CORO2B: variants seen among roughly 807,000 people sequenced by gnomAD.
The protein encoded by CORO2B is coronin-2B.
In CORO2B, 26 loss-of-function variants were observed where a neutral mutation model predicts 58.8. That is an observed-to-expected ratio of 0.44 (90% CI 0.32 to 0.61). CORO2B has a LOEUF of 0.61. Among genes scored for constraint, CORO2B ranks in the 20% least tolerant of loss-of-function variants. The probability of loss-of-function intolerance (pLI) is 0.04; values close to 1 mark genes in which losing one functional copy is unlikely to be tolerated. For synonymous variants in CORO2B, 242 were observed against 253.8 expected, an observed-to-expected ratio of 0.95 and a Z score of 0.44; for missense variants, 460 against 645.1, an observed-to-expected ratio of 0.71 and a Z score of 3.11.
chr15:68,686,760 A>G (rs147383865), intron 2 of CORO2B, among the ~76,000 whole-genome samples: 5,949 of 152,100 alleles, frequency 0.039, 375 homozygotes, highest in African/African-American at 0.13. Flanking sequence ...TTAGCTGGGC[A>G]TAGTGGCACA....
At chr15:68,572,773 G>A in the CORO2B span, among the ~76,000 whole-genome samples, 1 of 152,180 alleles carries the variant, frequency 6.6e-6, no homozygotes, top group African/African-American at 2.4e-5. Flanking sequence ...GAAGGATCTG[G>A]AAAATCTGGT....
chr15:68,595,024 G>A (rs924319820), intron 1 of CORO2B, among the ~76,000 whole-genome samples: 16 of 152,218 alleles, frequency 1.1e-4, no homozygotes, highest in Non-Finnish European at 1.6e-4. Flanking sequence ...CTAGCTATCA[G>A]TCCAGTTCTG....
At chr15:68,526,887 G>A in the CORO2B span, among the ~76,000 whole-genome samples, 2 of 152,198 alleles carry the variant, frequency 1.3e-5, no homozygotes, top group Admixed American at 6.5e-5. Flanking sequence ...CTAACCTCCA[G>A]TGTGACTGTG....
chr15:68,561,197 G>T, the CORO2B span, among the ~76,000 whole-genome samples: 1 of 152,186 alleles, frequency 6.6e-6, no homozygotes, highest in African/African-American at 2.4e-5. Flanking sequence ...GTGCTCGGGA[G>T]ATAAGGGGGA....
intron 1 of CORO2B, among the ~76,000 whole-genome samples, chr15:68,613,361 T>C (rs1388569968): frequency 6.6e-6 from 1 of 152,220 alleles, no homozygotes; most frequent in Non-Finnish European, 1.5e-5. Context: ...CGTGTGATGG[T>C]AGAAGCGGCA....
intron 2 of CORO2B, among the ~76,000 whole-genome samples, chr15:68,659,137 A>G (rs1901928111): frequency 6.6e-6 from 1 of 152,224 alleles, no homozygotes; most frequent in Non-Finnish European, 1.5e-5. Context: ...CCTAGCTTCC[A>G]GTTACTCAGT....
chr15:68,678,762 C>T (rs775348775), intron 2 of CORO2B, among the ~76,000 whole-genome samples: 2 of 152,242 alleles, frequency 1.3e-5, no homozygotes, highest in South Asian at 4.1e-4. Flanking sequence ...AGAAGAGCTG[C>T]CCACACCATG....
intron 2 of CORO2B, among the ~76,000 whole-genome samples, chr15:68,664,923 T>C (rs1177281734): frequency 1.3e-5 from 2 of 152,204 alleles, no homozygotes; most frequent in African/African-American, 4.8e-5. Context: ...ATGAGCCTTT[T>C]GGAATATGAG....
chr15:68,617,332 C>T (rs768756020), intron 1 of CORO2B, among the ~76,000 whole-genome samples: 4 of 152,244 alleles, frequency 2.6e-5, no homozygotes, highest in Non-Finnish European at 5.9e-5. Context: ...CACCACTTTT[C>T]ACTCTTCTGT....
At chr15:68,649,057 C>T (rs1049652629) in intron 2 of CORO2B, among the ~76,000 whole-genome samples, 14 of 152,124 alleles carry the variant, frequency 9.2e-5, no homozygotes, top group South Asian at 8.3e-4. Flanking sequence ...CGTTTCTAAA[C>T]GCTTCCTCTC....
chr15:68,570,591 T>C, the CORO2B span, among the ~76,000 whole-genome samples: 21 of 152,140 alleles, frequency 1.4e-4, no homozygotes, highest in Admixed American at 1.2e-3. Context: ...GAACCCCAAA[T>C]ACGAAAGTTG....
chr15:68,531,841 T>G, the CORO2B span, among the ~76,000 whole-genome samples: 1 of 151,792 alleles, frequency 6.6e-6, no homozygotes, highest in African/African-American at 2.4e-5. Context: ...AGTGTAGGTC[T>G]ACCAGGATTG....
chr15:68,591,940 T>C lies in CORO2B; in HGVS notation c.15+12663T>C, dbSNP rs1899717728. On this transcript the variant is annotated intron_variant, in intron 1 of 11. Transcript: ENST00000261861. Reference sequence around the variant, plus strand: ...GCCCTGACCCTCCCTGGCTGTGTGATCTTGGGTTGGTCACTTCCTCCTCTG... The same window carrying C: ...GCCCTGACCCTCCCTGGCTGTGTGACCTTGGGTTGGTCACTTCCTCCTCTG... 1.3e-5 allele frequency among the ~76,000 whole-genome samples: 2 copies of C among 152,150 alleles called. 1 individual carries two copies.
At chr15:68,701,372 C>T (rs1430407588) in intron 3 of CORO2B, among the ~76,000 whole-genome samples, 5 of 151,492 alleles carry the variant, frequency 3.3e-5, no homozygotes, top group Non-Finnish European at 7.4e-5. Flanking sequence ...AGTGCAGTGG[C>T]GCGATCTCCG....
the CORO2B span, among the ~76,000 whole-genome samples, chr15:68,546,824 A>G: frequency 2.0e-5 from 3 of 151,782 alleles, no homozygotes; most frequent in South Asian, 6.3e-4. Context: ...CCCTCTGTTC[A>G]CTCCATCTCC....
intron 3 of CORO2B, among the ~76,000 whole-genome samples, chr15:68,702,410 G>C (rs1388072752): frequency 2.0e-5 from 3 of 152,136 alleles, no homozygotes; most frequent in Non-Finnish European, 4.4e-5. Flanking sequence ...GCTCAACAAT[G>C]CTTCCTTCTG....
intron 1 of CORO2B, chr15:68,632,433 G>T (rs1900867652): frequency 1.0e-6 from 1 of 985,364 alleles, no homozygotes; most frequent in African/African-American, 1.7e-5. Context: ...AACACGGAGA[G>T]ACAGAAGTTG....
At chr15:68,599,838 G>A (rs766836817) in intron 1 of CORO2B, among the ~76,000 whole-genome samples, 5 of 152,222 alleles carry the variant, frequency 3.3e-5, no homozygotes, top group Non-Finnish European at 5.9e-5. Flanking sequence ...AATTGTGCTC[G>A]AGGCCTGAGT....
At chr15:68,663,885 A>G (rs1432080747) in intron 2 of CORO2B, among the ~76,000 whole-genome samples, 2 of 152,206 alleles carry the variant, frequency 1.3e-5, no homozygotes, top group African/African-American at 4.8e-5. Context: ...ACCTACTTGC[A>G]TTTATTTTTG....
Sources: gnomAD v4.1 joint callset for allele counts (sites outside exome capture counted in the v4.1 genomes callset) on GRCh38, gnomAD v4.1.1 for gene constraint, MANE v1.5 for transcripts, NCBI Gene and HGNC (gene_info 2026-07-23, HGNC 2026-07-21) for gene names.